Variants in ZNF335 observed in about 807,000 individuals in gnomAD.
ZNF335 encodes zinc finger protein 335.
A neutral mutation model predicts 145.6 loss-of-function variants in ZNF335; 84 were observed. The observed-to-expected ratio is 0.58, with a 90% CI of 0.48 to 0.69. ZNF335 has a LOEUF of 0.69. ZNF335 is among the 30% of genes least tolerant of loss of function. The pLI is 0.00. For missense variants in ZNF335, 1,865 were observed against 1,809.7 expected, an observed-to-expected ratio of 1.03 and a Z score of -0.55; for synonymous variants, 761 against 717.0, an observed-to-expected ratio of 1.06 and a Z score of -0.98.
chr20:45,967,848 C>G lies in ZNF335; in HGVS notation c.700G>C (p.Glu234Gln), dbSNP rs1311853492. 1 of 1,613,490 alleles carries G rather than the reference C, an allele frequency of 6.2e-7. No homozygotes were observed. The highest frequency in any genetic ancestry group is 1.1e-5 in the South Asian group (1 of 91,090). Reference protein sequence around the residue: ...GAEEPDLQSLEAMMEVVVVQQ... With the variant: ...GAEEPDLQSLQAMMEVVVVQQ... ...ACCACCACCACCTCCATCATGGCCT[C>G]CAGGCTCTGCAGGTCCGGCTCTTCG... Residue 234 changes from glutamate to glutamine, a missense_variant, in exon 5 of 28, where the codon GAG becomes CAG. Glu to Gln is a conservative substitution (Grantham distance 29). Transcript: ENST00000322927.
intron 9 of ZNF335, among the ~76,000 whole-genome samples, chr20:45,962,830 T>A (rs2083873009): frequency 4.4e-5 from 6 of 136,438 alleles, no homozygotes; most frequent in East Asian, 2.1e-4. Context: ...TTTGTTTTTT[T>A]GAGACAGAGT....
At chr20:45,959,115 AT>A in intron 15 of ZNF335, 85 bp downstream of exon 15, 1 of 1,103,820 alleles carries the variant, frequency 9.1e-7, no homozygotes, top group Non-Finnish European at 1.2e-6. Flanking sequence ...GGCAGGGATT[AT>A]TTTGTTGCAT....
Position 45,952,356 on chromosome 20 carries a change from G to T in ZNF335, c.2980C>A (p.Pro994Thr), listed in dbSNP as rs200717581. The T allele has an allele frequency of 5.0e-6, 8 of 1,612,202 alleles. No homozygotes were observed. The African/African-American group carries it at 9.3e-5, about 19-fold the overall frequency. ...AGGCCCAGGGCTTTGCTGGTTGCAG[G>T]AGGTGAGGAGGCAGAGCTCTGGGAG... ...GDSQSSASSP[P>T]ATSKALGLAV... The change falls in exon 20 of 28, where the codon CCT becomes ACT. Residue 994 changes from proline to threonine, a missense_variant. Coordinates refer to ENST00000322927, the MANE Select transcript of ZNF335 (RefSeq NM_022095.4).
intron 9 of ZNF335, among the ~76,000 whole-genome samples, chr20:45,962,671 G>A (rs1296633290): frequency 6.6e-6 from 1 of 152,190 alleles, no homozygotes; most frequent in African/African-American, 2.4e-5. Context: ...CTGGGGGTCA[G>A]TAGAATGGGA....
At chr20:45,965,834 A>G in intron 6 of ZNF335, 60 bp from the exon 7 acceptor site, 1 of 1,537,760 alleles carries the variant, frequency 6.5e-7, no homozygotes. Context: ...TTCAGCCCTG[A>G]CCCCTTGCCC....
Position 45,951,455 on chromosome 20 carries a change from A to G in ZNF335, c.3189+692T>C, listed in dbSNP as rs1156481965. On this transcript the variant is annotated intron_variant, in intron 20 of 27. Coordinates refer to ENST00000322927, the MANE Select transcript of ZNF335 (RefSeq NM_022095.4). ...TCAGTATTCTAGACCAGTGGTCCCC[A>G]CCCTTTTTGGCACCAGGGACTGGTT... Among the ~76,000 whole-genome samples the G allele has an allele frequency of 2.0e-5, 3 of 152,274 alleles. No homozygotes were observed. The East Asian group carries it at 5.8e-4, about 29-fold the overall frequency.
At chr20:45,949,718 A>G in intron 24 of ZNF335, 82 bp downstream of exon 24, 2 of 1,549,152 alleles carry the variant, frequency 1.3e-6, no homozygotes, top group Middle Eastern at 1.8e-4. Flanking sequence ...GGTGGTTTGG[A>G]AAGTATCATT....
intron 6 of ZNF335, among the ~76,000 whole-genome samples, chr20:45,966,075 T>C (rs886933844): frequency 1.3e-5 from 2 of 152,066 alleles, no homozygotes; most frequent in South Asian, 2.1e-4. Flanking sequence ...AAAGTTTAAA[T>C]AAACATTGAA....
intron 27 of ZNF335, 24 bp downstream of exon 27, chr20:45,949,146 G>A (rs371480152): frequency 1.2e-6 from 2 of 1,613,402 alleles, no homozygotes; most frequent in African/African-American, 2.7e-5. Flanking sequence ...CCAGCCCCAT[G>A]CTCCTCAGGA....
In ZNF335 at chr20:45,949,994, A is replaced by G; in HGVS notation, c.3563T>C (p.Val1188Ala). Residue 1188 changes from valine (V) to alanine (A), a missense_variant, in exon 23 of 28, where the codon GTT becomes GCT. Val to Ala is a moderately conservative substitution (Grantham distance 64). Transcript: ENST00000322927. ...ATTGGTCACTGTCTGTTCCTGGGCA[A>G]CGATGATGTGTTCCTGGCTCAGTGC... ...QQALSQEHIIVAQEQTVTNQE... is the reference protein window; with the variant it reads ...QQALSQEHIIAAQEQTVTNQE... 1 of 1,614,160 alleles carries G rather than the reference A, an allele frequency of 6.2e-7. No individual in the cohort carries two copies. The highest frequency in any genetic ancestry group is 8.5e-7 in the Non-Finnish European group (1 of 1,180,020).
At chr20:45,964,890 G>T (rs893176547) in intron 7 of ZNF335, among the ~76,000 whole-genome samples, 6 of 151,954 alleles carry the variant, frequency 3.9e-5, no homozygotes, top group Admixed American at 3.9e-4. Context: ...AATTAAGTCG[G>T]TGTGGTGGTG....
intron 2 of ZNF335, 29 bp from the exon 3 acceptor site, chr20:45,969,720 A>C: frequency 6.2e-7 from 1 of 1,605,836 alleles, no homozygotes; most frequent in Non-Finnish European, 8.5e-7. Flanking sequence ...GGAGGGAAAA[A>C]GTTTAGCAGC....
At position 45,949,706 on chromosome 20, in the gene ZNF335, G is replaced by C; in HGVS notation, c.3669+94C>G. The C allele has an allele frequency of 9.3e-6, 14 of 1,511,144 alleles. 1 individual carries two copies. The South Asian group carries it at 1.6e-4, about 17-fold the overall frequency. 93.6% of individuals were successfully genotyped at this position (1,511,144 alleles called of 1,614,324 possible). ...TTGTTGGCAAGCATGGACCCCAGGAGGGGTGGTTTGGAAAGTATCATTCCT... is the reference window on the plus strand; with the variant it reads ...TTGTTGGCAAGCATGGACCCCAGGACGGGTGGTTTGGAAAGTATCATTCCT... On this transcript the variant is annotated intron_variant, in intron 24 of 27. Coordinates refer to ENST00000322927, the MANE Select transcript of ZNF335 (RefSeq NM_022095.4).
chr20:45,959,430 GC>G lies in ZNF335; in HGVS notation c.2023del (p.Ala675ProfsTer58). On this transcript the variant is annotated frameshift_variant and splice_region_variant, in exon 15 of 28. Coordinates refer to ENST00000322927, the MANE Select transcript of ZNF335 (RefSeq NM_022095.4). LOFTEE classifies it high-confidence loss of function. ...GCAGTACTCACAGGCGAAGGGCTTG[GC>G]CCCTGGAGGCACATGTTGGGGCATG... is the stretch of plus-strand genomic sequence containing the variant. ...LSHVAVKHTG[A>X]KPFACEYCHF... 1 of 1,441,872 alleles carries G rather than the reference GC, an allele frequency of 6.9e-7. No homozygotes were observed. The highest frequency in any genetic ancestry group is 2.4e-5 in the Admixed American group (1 of 42,018). 89.3% of individuals were successfully genotyped at this position (1,441,872 alleles called of 1,614,324 possible). A position where few individuals can be genotyped will look rare whatever the true frequency, so the allele number is the denominator to read the frequency against.
At chr20:45,971,791 G>C in intron 1 of ZNF335, 1 of 985,354 alleles carries the variant, frequency 1.0e-6, no homozygotes, top group Non-Finnish European at 1.2e-6. Context: ...GTCCCCCCGG[G>C]TTGCAGGGCC....
intron 26 of ZNF335, 39 bp downstream of exon 26, chr20:45,949,294 G>A (rs765863504): frequency 1.2e-5 from 19 of 1,613,880 alleles, no homozygotes; most frequent in Non-Finnish European, 1.6e-5. Context: ...GGAGAAACCT[G>A]CCTGTGCCCC....
intron 19 of ZNF335, 33 bp downstream of exon 19, chr20:45,952,565 G>A (rs200734365): frequency 2.6e-5 from 42 of 1,612,044 alleles, no homozygotes; most frequent in Non-Finnish European, 3.1e-5. Flanking sequence ...AGGGGAGGGA[G>A]GTGGGGGAGT....
chr20:45,965,284 G>A (rs1052226923), intron 7 of ZNF335, among the ~76,000 whole-genome samples: 1 of 151,946 alleles, frequency 6.6e-6, no homozygotes, highest in Non-Finnish European at 1.5e-5. Flanking sequence ...TCCGAACCAG[G>A]GCTCCTCTGA....
chr20:45,972,034 C>T lies in ZNF335; in HGVS notation c.-51+88G>A, dbSNP rs143374257. 550 of 1,248,558 alleles carry T rather than the reference C, an allele frequency of 4.4e-4. No individual in the cohort carries two copies. In the African/African-American group the frequency reaches 7.0e-3, roughly 16 times the overall value. 77.3% of individuals were successfully genotyped at this position (1,248,558 alleles called of 1,614,324 possible). ...GCCCTGTTCGGACAGCCCCGCCGGC[C>T]TGGGACCTCGCCTCCGGGTATCCCC... is the stretch of plus-strand genomic sequence containing the variant. On this transcript the variant is annotated intron_variant, in intron 1 of 27. Transcript: ENST00000322927.
Sources: allele counts gnomAD v4.1 joint callset (sites outside exome capture counted in the v4.1 genomes callset), GRCh38; gene constraint gnomAD v4.1.1; transcripts MANE v1.5; gene names NCBI Gene and HGNC (gene_info 2026-07-23, HGNC 2026-07-21).